The following KDM5B variants were observed in gnomAD, a reference collection of about 807,000 sequenced individuals.
The protein encoded by KDM5B is lysine-specific demethylase 5B.
In KDM5B, 144 loss-of-function variants were observed where a neutral mutation model predicts 193.4. The observed-to-expected ratio is 0.74, with a 90% CI of 0.65 to 0.86. The LOEUF (loss-of-function observed/expected upper bound fraction) is 0.86. Ranked by LOEUF, KDM5B falls within the 40% of genes least tolerant of loss-of-function variation. The probability of loss-of-function intolerance (pLI) is 0.00; values close to 1 mark genes in which losing one functional copy is unlikely to be tolerated. For synonymous variants in KDM5B, 668 were observed against 682.6 expected (o/e 0.98, Z 0.33); for missense variants, 1,833 against 1,886.9 (o/e 0.97, Z 0.53).
chr1:202,739,969 C>T (rs1398921571), intron 20 of KDM5B, among the ~76,000 whole-genome samples: 2 of 152,142 alleles, frequency 1.3e-5, no homozygotes, highest in African/African-American at 2.4e-5. Flanking sequence ...CATCCCGGCC[C>T]GTTCTCAATG....
In KDM5B at chr1:202,733,275, A is replaced by G; in HGVS notation, c.3909+126T>C. 5 of 987,136 alleles carry G rather than the reference A, an allele frequency of 5.1e-6. No homozygotes were observed. The South Asian group carries it at 6.7e-5, about 13-fold the overall frequency. The allele number at this position is 987,136 out of a possible 1,614,324, so 61.1% of individuals were successfully genotyped here. A position where few individuals can be genotyped will look rare whatever the true frequency, so the allele number is the denominator to read the frequency against. On this transcript the variant is annotated intron_variant, in intron 23 of 26. Coordinates refer to ENST00000367265, the MANE Select transcript of KDM5B (RefSeq NM_006618.5). ...GGTCTTGAAGTGGGAAGCTACAGGT[A>G]AAGTGGGTGCTGTTAACAGTAAAGT...
intron 1 of KDM5B, among the ~76,000 whole-genome samples, chr1:202,786,415 C>CT (rs1491461229): frequency 1.5e-5 from 2 of 135,088 alleles, no homozygotes; most frequent in Non-Finnish European, 3.1e-5. Context: ...AGACAACACA[C>CT]TGAGAGTAGA....
intron 20 of KDM5B, among the ~76,000 whole-genome samples, chr1:202,738,320 C>T (rs1387391515): frequency 1.3e-5 from 2 of 152,206 alleles, no homozygotes; most frequent in African/African-American, 2.4e-5. Context: ...ATGACTTCAC[C>T]TTCTGGCTGC....
intron 9 of KDM5B, among the ~76,000 whole-genome samples, chr1:202,757,639 A>G (rs549066243): frequency 6.6e-5 from 10 of 152,362 alleles, no homozygotes; most frequent in African/African-American, 2.4e-4. Flanking sequence ...TTAAATAAGC[A>G]AACATTTTAA....
chr1:202,741,648 C>T lies in KDM5B; in HGVS notation c.2664G>A (p.Ala888=), dbSNP rs111464225. The T allele has an allele frequency of 1.4e-3, 2,200 of 1,614,022 alleles. 23 individuals are homozygous for T. In the African/African-American group the frequency reaches 0.026, roughly 19 times the overall value. ...TGACATCTAGCAAGTCCTGCAGCTC[C>T]GCAGCACTAGGCGTTTCCTCAGAGA... is the stretch of plus-strand genomic sequence containing the variant. The part of the protein sequence containing the change: ...KLLSEETPSA[A]ELQDLLDVSF... The change falls in exon 19 of 27, where the codon GCG becomes GCA. Residue 888 remains alanine, a synonymous_variant. Coordinates refer to ENST00000367265, the MANE Select transcript of KDM5B (RefSeq NM_006618.5).
At chr1:202,732,890 A>G (rs921399843) in intron 23 of KDM5B, among the ~76,000 whole-genome samples, 4 of 152,236 alleles carry the variant, frequency 2.6e-5, no homozygotes, top group African/African-American at 9.6e-5. Flanking sequence ...AGCTTTTGGC[A>G]GAAAGATCGC....
chr1:202,755,001 T>G (rs1316618496), intron 11 of KDM5B, among the ~76,000 whole-genome samples: 1 of 152,152 alleles, frequency 6.6e-6, no homozygotes, highest in Non-Finnish European at 1.5e-5. Context: ...AAGACTTCCT[T>G]ACTTCAGATA....
intron 24 of KDM5B, 87 bp from the exon 25 acceptor site, chr1:202,731,150 G>A (rs1654870255): frequency 1.9e-6 from 2 of 1,044,548 alleles, no homozygotes; most frequent in South Asian, 1.7e-5. Context: ...TAGAAGGACT[G>A]CCCCTAATAC....
intron 7 of KDM5B, among the ~76,000 whole-genome samples, chr1:202,761,816 C>T (rs954310206): frequency 9.2e-5 from 14 of 152,166 alleles, no homozygotes; most frequent in African/African-American, 2.2e-4. Context: ...ACTCAGTCTG[C>T]GGCACATCCT....
At chr1:202,750,895 A>G (rs1655763304) in intron 12 of KDM5B, 117 bp from the exon 13 acceptor site, 9 of 1,054,974 alleles carry the variant, frequency 8.5e-6, no homozygotes, top group Non-Finnish European at 1.2e-5. Context: ...TCTGAAATTG[A>G]GCCAGAAAAA....
intron 25 of KDM5B, 124 bp downstream of exon 25, chr1:202,730,785 T>C: frequency 2.4e-6 from 2 of 850,328 alleles, no homozygotes; most frequent in Non-Finnish European, 3.6e-6. Flanking sequence ...GCATTCAAAA[T>C]GGGTCATCCT....
Position 202,762,759 on chromosome 1 carries a change from A to G in KDM5B, c.858T>C (p.Asp286=). The G allele has an allele frequency of 1.2e-6, 2 of 1,612,504 alleles. No individual in the cohort carries two copies. Among genetic ancestry groups the G allele is most frequent in the South Asian group, 1.1e-5 (1 of 91,042 alleles). ...TTTCCTTCTCATTTTCTACAATATAATCTTTCCTCTCAATAGGTTCTTGCT... is the reference window on the plus strand; with the variant it reads ...TTTCCTTCTCATTTTCTACAATATAGTCTTTCCTCTCAATAGGTTCTTGCT... The part of the protein sequence containing the change: ...SIKQEPIERK[D]YIVENEKEKP... The change falls in exon 7 of 27, where the codon GAT becomes GAC. Residue 286 remains aspartate, a synonymous_variant. Transcript: ENST00000367265.
intron 8 of KDM5B, among the ~76,000 whole-genome samples, chr1:202,759,550 CAAAA>C (rs67515433): frequency 8.6e-5 from 10 of 115,788 alleles, no homozygotes; most frequent in Non-Finnish European, 8.5e-5. Context: ...GATCCTGTCT[CAAAA>C]AAAAAAAAAA....
At chr1:202,751,572 A>T (rs185807669) in intron 12 of KDM5B, among the ~76,000 whole-genome samples, 6 of 152,116 alleles carry the variant, frequency 3.9e-5, no homozygotes. Flanking sequence ...TCTGCCAAAC[A>T]TGTGATAATT....
chr1:202,775,893 T>A (rs1461693224), intron 2 of KDM5B, among the ~76,000 whole-genome samples: 2 of 129,016 alleles, frequency 1.6e-5, no homozygotes, highest in African/African-American at 5.7e-5. Flanking sequence ...TATATATATA[T>A]ATATATATAT....
chr1:202,764,241 TG>T, intron 5 of KDM5B, 96 bp from the exon 6 acceptor site: 2 of 623,222 alleles, frequency 3.2e-6, no homozygotes, highest in Non-Finnish European at 5.4e-6. Flanking sequence ...TCCTACCAAT[TG>T]CCTCTATTAA....
intron 1 of KDM5B, among the ~76,000 whole-genome samples, chr1:202,788,330 T>C (rs943349441): frequency 5.3e-5 from 8 of 152,204 alleles, no homozygotes; most frequent in East Asian, 1.9e-4. Context: ...CTTTTACAGA[T>C]AGGCCATGGT....
rs1395732352 is a variant in KDM5B at position 202,729,970 on chromosome 1, T to C, written c.4234A>G (p.Arg1412Gly). The C allele has an allele frequency of 5.6e-6, 9 of 1,613,760 alleles. No homozygotes were observed. The highest frequency in any genetic ancestry group is 6.8e-6 in the Non-Finnish European group (8 of 1,179,952). The stretch of plus-strand genomic sequence containing the variant: ...GAGAGGCCCTCTCTTTCCAGGCGTC[T>C]CTTCAGTTTTCTCTCAAGACTGTTA... Reference protein sequence around the residue: ...GINSLERKLKRRLEREGLSSE... With the variant: ...GINSLERKLKGRLEREGLSSE... Residue 1412 changes from arginine (R) to glycine (G), a missense_variant, in exon 26 of 27, where the codon AGA becomes GGA. Physicochemically the swap from Arg to Gly is moderately radical, Grantham distance 125. Transcript: ENST00000367265.
rs760603286 is a variant in KDM5B, at chr1:202,756,369, G to A, written c.1345C>T (p.Pro449Ser). The change falls in exon 10 of 27, where the codon CCT (proline) becomes TCT (serine). Residue 449 changes from proline (P) to serine (S), a missense_variant. Around this residue, in one of 3 missense-constraint regions of KDM5B, gnomAD observed 1,379 missense variants for 1,349.6 expected, o/e 1.02. Transcript: ENST00000367265. Reference protein sequence around the residue: ...PVRDGKIKLSPEEEEYLDSGW... With the variant: ...PVRDGKIKLSSEEEEYLDSGW... ...ACTTATATGCCTACCTCTTCCTCAGGTGAGAGTTTGATTTTCCCATCTCGG... is the reference window on the plus strand; with the variant it reads ...ACTTATATGCCTACCTCTTCCTCAGATGAGAGTTTGATTTTCCCATCTCGG... 1.2e-6 allele frequency: 2 copies of A among 1,609,882 alleles called. No homozygotes were observed. Among genetic ancestry groups the A allele is most frequent in the Non-Finnish European group, 1.7e-6 (2 of 1,178,220 alleles).
Sources: gnomAD v4.1 joint callset for allele counts (sites outside exome capture counted in the v4.1 genomes callset) on GRCh38, gnomAD v4.1.1 for gene constraint, gnomAD v4.1.1 regional missense constraint, MANE v1.5 for transcripts, NCBI Gene and HGNC (gene_info 2026-07-23, HGNC 2026-07-21) for gene names.